Variants in NRXN3 observed in about 807,000 individuals in gnomAD.
NRXN3 encodes the protein neurexin 3, also known as neurexin III.
Under a neutral mutation model 137.6 loss-of-function variants are expected in NRXN3, and 32 were observed. The ratio of observed to expected loss-of-function variants is 0.23; its 90% CI spans 0.18 to 0.31. The LOEUF (loss-of-function observed/expected upper bound fraction) is 0.31. Among genes scored for constraint, NRXN3 ranks in the 10% least tolerant of loss-of-function variants. NRXN3 has a pLI of 1.00. For synonymous variants in NRXN3, 798 were observed against 784.5 expected (o/e 1.02, Z -0.29); for missense variants, 1,574 against 2,062.5 (o/e 0.76, Z 4.59).
chr14:79,191,945 A>C (rs1329112659), intron 15 of NRXN3, among the ~76,000 whole-genome samples: 1 of 152,072 alleles, frequency 6.6e-6, no homozygotes, highest in Non-Finnish European at 1.5e-5. Context: ...GGACCAACCA[A>C]GAACCCAGAA....
At chr14:78,885,620 A>G (rs2099141495) in intron 10 of NRXN3, among the ~76,000 whole-genome samples, 1 of 152,140 alleles carries the variant, frequency 6.6e-6, no homozygotes, top group African/African-American at 2.4e-5. Flanking sequence ...ATAGAGCATT[A>G]GATGAGAATG....
chr14:79,503,425 A>T (rs2096844054), intron 16 of NRXN3, among the ~76,000 whole-genome samples: 1 of 152,170 alleles, frequency 6.6e-6, no homozygotes, highest in Non-Finnish European at 1.5e-5. Context: ...CTTCACGTAC[A>T]GGGACCGCGT....
intron 20 of NRXN3, among the ~76,000 whole-genome samples, chr14:79,855,450 A>G (rs1172623710): frequency 1.3e-5 from 2 of 152,176 alleles, no homozygotes; most frequent in Non-Finnish European, 2.9e-5. Context: ...GACATGCTGG[A>G]TAATATTTTA....
intron 16 of NRXN3, among the ~76,000 whole-genome samples, chr14:79,653,854 G>A (rs955786162): frequency 6.6e-6 from 1 of 152,160 alleles, no homozygotes; most frequent in Admixed American, 6.6e-5. Flanking sequence ...AGCAGAAGCT[G>A]GGGAATCATT....
intron 4 of NRXN3, among the ~76,000 whole-genome samples, chr14:78,611,425 C>T (rs2097299777): frequency 6.8e-6 from 1 of 146,216 alleles, no homozygotes; most frequent in Admixed American, 6.8e-5. Context: ...TTTCCCTCCT[C>T]TTTTTTTTTT....
chr14:78,301,021 A>G (rs2076822327), intron 4 of NRXN3, among the ~76,000 whole-genome samples: 2 of 152,148 alleles, frequency 1.3e-5, no homozygotes, highest in South Asian at 4.1e-4. Flanking sequence ...GAACAGGGGA[A>G]GTATGAAATT....
At chr14:79,248,737 C>T (rs186374310) in intron 15 of NRXN3, 5 of 152,310 alleles carry the variant, frequency 3.3e-5, no homozygotes, top group Admixed American at 3.3e-4. Flanking sequence ...GTCCAATTCA[C>T]AAGAGCAAGT....
At chr14:79,017,412 C>T (rs1393619031) in intron 15 of NRXN3, among the ~76,000 whole-genome samples, 1 of 151,778 alleles carries the variant, frequency 6.6e-6, no homozygotes, top group East Asian at 1.9e-4. Context: ...TTTTTCATCT[C>T]ATCCATTCCC....
chr14:78,867,067 G>T (rs1370115344), intron 10 of NRXN3, among the ~76,000 whole-genome samples: 1 of 152,058 alleles, frequency 6.6e-6, no homozygotes, highest in African/African-American at 2.4e-5. Flanking sequence ...AAAGTCCTGG[G>T]ATTACAGGCG....
chr14:79,505,262 T>G (rs144934176), intron 16 of NRXN3, among the ~76,000 whole-genome samples: 54 of 151,092 alleles, frequency 3.6e-4, no homozygotes, highest in Non-Finnish European at 6.3e-4. Context: ...CCACGTGTGC[T>G]GTTACAGTAG....
At chr14:78,626,543 A>G (rs1398929342) in intron 4 of NRXN3, among the ~76,000 whole-genome samples, 1 of 152,268 alleles carries the variant, frequency 6.6e-6, no homozygotes, top group Non-Finnish European at 1.5e-5. Context: ...CAAAATATCA[A>G]GAATGTTCTG....
intron 19 of NRXN3, among the ~76,000 whole-genome samples, chr14:79,775,839 AG>A (rs1479864175): frequency 1.3e-5 from 2 of 152,190 alleles, no homozygotes; most frequent in Non-Finnish European, 2.9e-5. Context: ...GATCTATCAT[AG>A]GTGCAGATTA....
chr14:78,345,544 G>A (rs967146301), intron 4 of NRXN3, among the ~76,000 whole-genome samples: 2 of 152,144 alleles, frequency 1.3e-5, no homozygotes, highest in Non-Finnish European at 2.9e-5. Context: ...GGACTTGGGG[G>A]CTCCCAGAGG....
rs955668083 is a variant in NRXN3, at chr14:78,243,276, G to A, written c.183G>A (p.Thr61=). Residue 61 remains threonine (T), a synonymous_variant, in exon 2 of 21, where the codon ACG becomes ACA. Transcript: ENST00000335750. The surrounding 1 kb of genome is among the most constrained non-coding windows in gnomAD (Gnocchi z 4.2). ...TCCAGTTCAAGACCAACGTCTCTAC[G>A]GGGCTGCTCCTCTACCTGGATGATG... ...LSFQFKTNVS[T]GLLLYLDDGG... 16 of 1,561,486 alleles carry A rather than the reference G, an allele frequency of 1.0e-5. No homozygotes were observed. The highest frequency in any genetic ancestry group is 2.7e-5 in the African/African-American group (2 of 74,070).
intron 15 of NRXN3, among the ~76,000 whole-genome samples, chr14:79,067,179 A>T (rs2099681849): frequency 6.6e-6 from 1 of 151,944 alleles, no homozygotes; most frequent in Non-Finnish European, 1.5e-5. Context: ...ACATGAAGGG[A>T]TGTTGAATTT....
intron 19 of NRXN3, among the ~76,000 whole-genome samples, chr14:79,748,153 C>T (rs8015851): frequency 0.52 from 79,205 of 151,568 alleles, 21,258 homozygotes; most frequent in Middle Eastern, 0.65. Flanking sequence ...TGTTTACCTA[C>T]GTAACAAACC....
chr14:78,912,444 C>T (rs1412274675), intron 10 of NRXN3, among the ~76,000 whole-genome samples: 1 of 151,754 alleles, frequency 6.6e-6, no homozygotes, highest in Admixed American at 6.6e-5. Flanking sequence ...TCTCCATAGG[C>T]CTTTTTGTAA....
Position 78,471,563 on chromosome 14 carries a change from A to T in NRXN3, c.758-173557A>T, listed in dbSNP as rs912841363. 2.0e-5 allele frequency among the ~76,000 whole-genome samples: 3 copies of T among 152,164 alleles called. No individual in the cohort carries two copies. In the East Asian group the frequency reaches 5.8e-4, roughly 29 times the overall value. On this transcript the variant is annotated intron_variant, in intron 4 of 20. Coordinates refer to ENST00000335750, the MANE Select transcript of NRXN3 (RefSeq NM_001330195.2). ...GAGCAGGCTTTTTTTGCTTTAGGGC[A>T]TGGTTGGTACTGACCCTCCTGGGAC...
intron 4 of NRXN3, among the ~76,000 whole-genome samples, chr14:78,465,210 G>A (rs945105340): frequency 1.1e-4 from 17 of 152,004 alleles, no homozygotes; most frequent in Non-Finnish European, 1.8e-4. Context: ...AGAAAATTTA[G>A]ATGAAAAGGG....
Sources: gnomAD v4.1 joint callset for allele counts (sites outside exome capture counted in the v4.1 genomes callset) on GRCh38, gnomAD v4.1.1 for gene constraint, Gnocchi (gnomAD v3.1) non-coding constraint, MANE v1.5 for transcripts, NCBI Gene and HGNC (gene_info 2026-07-23, HGNC 2026-07-21) for gene names.